The following FAM149A variants were observed in gnomAD, a reference collection of about 807,000 sequenced individuals.
FAM149A encodes the protein family with sequence similarity 149 member A, also known as protein FAM149A.
A neutral mutation model predicts 78.2 loss-of-function variants in FAM149A; 71 were observed. The observed-to-expected ratio is 0.91, with a 90% CI of 0.75 to 1.11. FAM149A has a LOEUF of 1.11. Among genes scored for constraint, FAM149A ranks in the 50% least tolerant of loss-of-function variants. The probability of loss-of-function intolerance (pLI) is 0.00; values close to 1 mark genes in which losing one functional copy is unlikely to be tolerated. For missense variants in FAM149A, 1,036 were observed against 971.0 expected (o/e 1.07, Z -0.89); for synonymous variants, 446 against 410.5 (o/e 1.09, Z -1.04).
intron 1 of FAM149A, among the ~76,000 whole-genome samples, chr4:186,140,961 G>T (rs567762664): frequency 2.6e-5 from 4 of 152,230 alleles, no homozygotes; most frequent in African/African-American, 9.6e-5. Context: ...GAATGGCCAA[G>T]TTGGAGATCC....
At chr4:186,136,369 A>G (rs1017534247) in intron 1 of FAM149A, among the ~76,000 whole-genome samples, 1 of 152,152 alleles carries the variant, frequency 6.6e-6, no homozygotes, top group African/African-American at 2.4e-5. Flanking sequence ...ATGTCATTGG[A>G]CCCATTTGTT....
Position 186,153,734 on chromosome 4 carries a change from C to T in FAM149A, c.1022C>T (p.Pro341Leu), listed in dbSNP as rs765703561. The change falls in exon 5 of 14, where the codon CCG becomes CTG. Residue 341 changes from proline (P) to leucine (L), a missense_variant. Coordinates refer to ENST00000389354, the MANE Select transcript of FAM149A (RefSeq NM_001367768.3). ...CCTGCCTCCGCAGTCCACAGACCCC[C>T]GCTCAGTGCCTGCGGACACAGCAGC... The T allele has an allele frequency of 2.6e-5, 42 of 1,613,666 alleles. No individual in the cohort carries two copies. The highest frequency in any genetic ancestry group is 1.1e-4 in the East Asian group (5 of 44,890).
At chr4:186,161,597 A>G (rs528491553) in intron 8 of FAM149A, among the ~76,000 whole-genome samples, 41 of 152,356 alleles carry the variant, frequency 2.7e-4, no homozygotes, top group African/African-American at 9.4e-4. Flanking sequence ...GAGCCTTTAA[A>G]TATCAGGCAA....
chr4:186,133,739 C>T (rs2126369063), intron 1 of FAM149A, among the ~76,000 whole-genome samples: 1 of 152,292 alleles, frequency 6.6e-6, no homozygotes, highest in South Asian at 2.1e-4. Flanking sequence ...CACTGCAACC[C>T]TGACCTCCTG....
Position 186,105,452 on chromosome 4 carries a change from C to G in FAM149A, c.376C>G (p.Pro126Ala), listed in dbSNP as rs1407980754. 2 of 1,215,222 alleles carry G rather than the reference C, an allele frequency of 1.6e-6. No individual in the cohort carries two copies. The highest frequency in any genetic ancestry group is 2.1e-6 in the Non-Finnish European group (2 of 958,474). 75.3% of individuals were successfully genotyped at this position (1,215,222 alleles called of 1,614,324 possible). ...CTGCTCCCCTGCTCGCCTGGTGGTC[C>G]CAGCGCGGCCGCCCTCGGGCCCCGG... Residue 126 changes from proline (P) to alanine (A), a missense_variant, in exon 1 of 14, where the codon CCA (proline) becomes GCA (alanine). Transcript: ENST00000389354.
intron 1 of FAM149A, chr4:186,109,214 T>C: frequency 2.0e-6 from 2 of 983,690 alleles, no homozygotes; most frequent in Non-Finnish European, 2.4e-6. Flanking sequence ...GATAGATAGA[T>C]AATTGCTGTG....
chr4:186,116,136 G>A (rs537770045), intron 1 of FAM149A, among the ~76,000 whole-genome samples: 6 of 67,998 alleles, frequency 8.8e-5, no homozygotes, highest in Non-Finnish European at 1.8e-4. Context: ...CGCAATATTT[G>A]GGTGGGAGTG....
chr4:186,120,069 A>C (rs2099315316), intron 1 of FAM149A, among the ~76,000 whole-genome samples: 1 of 152,230 alleles, frequency 6.6e-6, no homozygotes, highest in Non-Finnish European at 1.5e-5. Flanking sequence ...TTTTATAAGC[A>C]TGTTTCACAG....
chr4:186,169,094 C>A, intron 13 of FAM149A: 1 of 565,298 alleles, frequency 1.8e-6, no homozygotes, highest in Non-Finnish European at 2.2e-6. Context: ...GTAGTTGGAG[C>A]ACACGTAAGT....
intron 7 of FAM149A, 123 bp downstream of exon 7, chr4:186,156,313 G>A (rs1375206224): frequency 2.9e-6 from 2 of 698,280 alleles, no homozygotes; most frequent in African/African-American, 3.6e-5. Flanking sequence ...TGGGTGTTCT[G>A]ACTTTACTCA....
Position 186,130,766 on chromosome 4 carries a change from T to G in FAM149A, c.567-18407T>G, listed in dbSNP as rs768454091. On this transcript the variant is annotated intron_variant, in intron 1 of 13. Coordinates refer to ENST00000389354, the MANE Select transcript of FAM149A (RefSeq NM_001367768.3). ...ATTCCTCTCATAGATATGAGATGGA[T>G]TGAAAAGCTACAGTAAATAGTATGT... Among the ~76,000 whole-genome samples the G allele has an allele frequency of 2.0e-5, 3 of 152,042 alleles. No homozygotes were observed. In the East Asian group the frequency reaches 5.8e-4, roughly 29 times the overall value.
chr4:186,166,371 C>T (rs375429573), intron 11 of FAM149A, among the ~76,000 whole-genome samples: 15 of 152,168 alleles, frequency 9.9e-5, no homozygotes, highest in Admixed American at 2.6e-4. Flanking sequence ...CAAAAGGCAG[C>T]GGAGTGCAGT....
At chr4:186,159,604 AT>A (rs138511561) in intron 8 of FAM149A, among the ~76,000 whole-genome samples, 10,917 of 152,174 alleles carry the variant, frequency 0.072, 584 homozygotes, top group African/African-American at 0.14. Flanking sequence ...TTATAATGAG[AT>A]TATTATCTTG....
intron 1 of FAM149A, chr4:186,123,678 G>C (rs1226110082): frequency 3.7e-6 from 1 of 270,424 alleles, no homozygotes; most frequent in African/African-American, 2.3e-5. Flanking sequence ...TTCTGATACT[G>C]TGGCTGCTGC....
chr4:186,166,601 C>T (rs550312290), intron 11 of FAM149A, among the ~76,000 whole-genome samples: 127 of 143,260 alleles, frequency 8.9e-4, no homozygotes, highest in African/African-American at 2.8e-3. Context: ...CAGTGAGCCG[C>T]GATCACGCCA....
chr4:186,109,118 A>T (rs900786425), intron 1 of FAM149A: 1 of 964,284 alleles, frequency 1.0e-6, no homozygotes, highest in Non-Finnish European at 1.2e-6. Context: ...AAGTGCTGGG[A>T]TTACAGGCTT....
At chr4:186,151,252 T>C (rs750148707) in intron 3 of FAM149A, among the ~76,000 whole-genome samples, 4 of 152,172 alleles carry the variant, frequency 2.6e-5, no homozygotes, top group Admixed American at 1.3e-4. Context: ...CCTTCCTTGG[T>C]AGAAGGCTGA....
intron 1 of FAM149A, among the ~76,000 whole-genome samples, chr4:186,136,948 C>T (rs1220449339): frequency 3.3e-4 from 42 of 125,736 alleles, no homozygotes; most frequent in Non-Finnish European, 5.5e-4. Context: ...CTCTCTCTCT[C>T]TCTCTCTCTC....
At chr4:186,159,839 G>T (rs780019016) in intron 8 of FAM149A, among the ~76,000 whole-genome samples, 6 of 137,604 alleles carry the variant, frequency 4.4e-5, no homozygotes, top group Admixed American at 3.9e-4. Context: ...CAGAGAACAC[G>T]GGTAAGGCAG....
Sources: allele counts gnomAD v4.1 joint callset (sites outside exome capture counted in the v4.1 genomes callset), GRCh38; gene constraint gnomAD v4.1.1; transcripts MANE v1.5; gene names NCBI Gene and HGNC (gene_info 2026-07-23, HGNC 2026-07-21).